COL9A1: variants seen among roughly 807,000 people sequenced by gnomAD.
COL9A1 encodes the protein collagen alpha-1(IX) chain.
A neutral mutation model predicts 142.6 loss-of-function variants in COL9A1; 104 were observed. That is an observed-to-expected ratio of 0.73 (90% CI 0.62 to 0.86). The LOEUF (loss-of-function observed/expected upper bound fraction) is 0.86, where lower values mean the gene tolerates loss of function less well. Among genes scored for constraint, COL9A1 ranks in the 40% least tolerant of loss-of-function variants. COL9A1 has a pLI of 0.00. For synonymous variants in COL9A1, 466 were observed against 396.0 expected (o/e 1.18, Z -2.10); for missense variants, 1,210 against 1,176.6 (o/e 1.03, Z -0.42).
chr6:70,274,363 AC>A (rs1772611333), intron 11 of COL9A1, among the ~76,000 whole-genome samples: 1 of 149,798 alleles, frequency 6.7e-6, no homozygotes, highest in African/African-American at 2.5e-5. Flanking sequence ...CCCTCCTCCC[AC>A]CCCCTATTTT....
Position 70,281,400 on chromosome 6 carries a change from T to TC in COL9A1, c.865dup (p.Asp289GlyfsTer6). 6.2e-7 allele frequency: 1 copy of TC among 1,612,974 alleles called. No homozygotes were observed. Among genetic ancestry groups the TC allele is most frequent in the Non-Finnish European group, 8.5e-7 (1 of 1,179,664 alleles). On this transcript the variant is annotated frameshift_variant, in exon 8 of 38. Transcript: ENST00000357250. LOFTEE classifies it high-confidence loss of function. ...GAGATAGAAACTTACGTCGATGCCATCGATGCCTGGAACTCCAGGGGGGCC... is the reference window on the plus strand; with the variant it reads ...GAGATAGAAACTTACGTCGATGCCATCCGATGCCTGGAACTCCAGGGGGGCC...
In COL9A1 at chr6:70,292,122, G is replaced by A. The variant is rs1773684743; in HGVS notation, c.696+2045C>T. On this transcript the variant is annotated intron_variant, in intron 5 of 37. Transcript: ENST00000357250. ...AGAAATACATTTTGGTGAGAAGTTT[G>A]AATTTCACATTGTCACTTCCAGTTG... is the stretch of plus-strand genomic sequence containing the variant. Among the ~76,000 whole-genome samples the A allele has an allele frequency of 2.0e-5, 3 of 152,178 alleles. No individual in the cohort carries two copies. In the South Asian group the frequency reaches 6.2e-4, roughly 31 times the overall value.
intron 33 of COL9A1, among the ~76,000 whole-genome samples, chr6:70,236,104 C>T (rs1435294099): frequency 6.1e-5 from 6 of 98,288 alleles, no homozygotes; most frequent in Non-Finnish European, 1.1e-4. Context: ...CAGAGCGAGA[C>T]TCCATCTCAA....
rs186792965 is a variant in COL9A1, at chr6:70,260,767, A to G, written c.1396-57T>C. The G allele has an allele frequency of 8.4e-4, 1,312 of 1,558,438 alleles. 8 individuals carry two copies. The African/African-American group carries it at 0.016, about 19-fold the overall frequency. ...TTAGTTGAAGCAAAGATTTTTAAAA[A>G]TCTCATCACAAAAGCTGATCTAGAC... is the stretch of plus-strand genomic sequence containing the variant. On this transcript the variant is annotated intron_variant, in intron 19 of 37. Coordinates refer to ENST00000357250, the MANE Select transcript of COL9A1 (RefSeq NM_001851.6).
chr6:70,227,959 T>G (rs2127554351), intron 36 of COL9A1, among the ~76,000 whole-genome samples: 1 of 152,178 alleles, frequency 6.6e-6, no homozygotes, highest in South Asian at 2.1e-4. Context: ...TAGAATTGCT[T>G]GTAAGGATAT....
At chr6:70,270,909 T>C (rs1772356849) in intron 14 of COL9A1, among the ~76,000 whole-genome samples, 1 of 152,218 alleles carries the variant, frequency 6.6e-6, no homozygotes, top group Non-Finnish European at 1.5e-5. Flanking sequence ...AGTAAACCGT[T>C]CAGATGAAAA....
chr6:70,295,749 C>T (rs1470744576), intron 4 of COL9A1, among the ~76,000 whole-genome samples: 2 of 152,168 alleles, frequency 1.3e-5, no homozygotes, highest in African/African-American at 2.4e-5. Flanking sequence ...TTGCTGAAGC[C>T]AAGCTGCTAA....
intron 20 of COL9A1, among the ~76,000 whole-genome samples, chr6:70,257,908 T>C (rs1017752959): frequency 5.3e-5 from 8 of 152,180 alleles, no homozygotes; most frequent in Admixed American, 3.9e-4. Context: ...TTCAGAAGAA[T>C]GAATTACTGG....
rs1333319684 is a variant in COL9A1, at chr6:70,271,513, A to G, written c.1143+142T>C. 6 of 735,070 alleles carry G rather than the reference A, an allele frequency of 8.2e-6. No individual in the cohort carries two copies. In the South Asian group the frequency reaches 9.3e-5, roughly 11 times the overall value. 45.5% of individuals were successfully genotyped at this position (735,070 alleles called of 1,614,324 possible). Reference sequence around the variant, plus strand: ...AAAATTATTATTATTCCTGGTTCACATCAATATTATAAACTGGAATGAAAT... The same window carrying G: ...AAAATTATTATTATTCCTGGTTCACGTCAATATTATAAACTGGAATGAAAT... On this transcript the variant is annotated intron_variant, in intron 14 of 37. Coordinates refer to ENST00000357250, the MANE Select transcript of COL9A1 (RefSeq NM_001851.6).
In COL9A1 at chr6:70,300,500, C is replaced by T. The variant is rs1253804989; in HGVS notation, c.89-114G>A. 22 of 402,292 alleles carry T rather than the reference C, an allele frequency of 5.5e-5. No homozygotes were observed. In the Middle Eastern group the frequency reaches 2.3e-3, roughly 42 times the overall value. The allele number at this position is 402,292 out of a possible 1,614,324, so 24.9% of individuals were successfully genotyped here. A position where few individuals can be genotyped will look rare whatever the true frequency, so the allele number is the denominator to read the frequency against. ...AATAAAATTTAGAACCAGAAAATAG[C>T]AATTGACCACAAAAAAAAGATTTCA... On this transcript the variant is annotated intron_variant, in intron 2 of 37. Transcript: ENST00000357250.
intron 18 of COL9A1, among the ~76,000 whole-genome samples, chr6:70,263,614 AAGAGAGATAG>A (rs758340714): frequency 6.6e-6 from 1 of 151,946 alleles, no homozygotes; most frequent in Non-Finnish European, 1.5e-5. Context: ...AAGAAAAATA[AAGAGAGATAG>A]AGAGAGTAAA....
chr6:70,242,178 CTCTT>C, intron 29 of COL9A1, 143 bp from the exon 30 acceptor site: 3 of 742,428 alleles, frequency 4.0e-6, no homozygotes, highest in South Asian at 3.0e-5. Flanking sequence ...GGGTTTGCCT[CTCTT>C]TCATATTCTC....
In COL9A1 at chr6:70,280,873, C is replaced by T. The variant is rs1335396298; in HGVS notation, c.914G>A (p.Gly305Asp). Reference protein sequence around the residue: ...RGPKGPPGPPGPAGEPGKPGA... With the variant: ...RGPKGPPGPPDPAGEPGKPGA... ...TGGCTTTCCCGGTTCACCTGCAGGA[C>T]CCTGAGCAGGGGCAGAAGGGTGCGG... Residue 305 changes from glycine (G) to aspartate (D), a missense_variant and splice_region_variant, in exon 10 of 38, where the codon GGT (glycine) becomes GAT (aspartate). Physicochemically the swap from Gly to Asp is moderately conservative, Grantham distance 94. Coordinates refer to ENST00000357250, the MANE Select transcript of COL9A1 (RefSeq NM_001851.6). The T allele has an allele frequency of 6.2e-7, 1 of 1,613,560 alleles. No homozygotes were observed. Among genetic ancestry groups the T allele is most frequent in the Admixed American group, 1.7e-5 (1 of 59,986 alleles).
intron 10 of COL9A1, 73 bp downstream of exon 10, chr6:70,280,739 C>G (rs1360064175): frequency 4.6e-6 from 7 of 1,517,472 alleles, no homozygotes; most frequent in African/African-American, 2.8e-5. Flanking sequence ...CCCTCCCCCC[C>G]CACAAAACAC....
Position 70,294,384 on chromosome 6 carries a change from A to T in COL9A1, c.479T>A (p.Leu160Gln), listed in dbSNP as rs567381211. ...GGCTGCTGTTTGGAGACTTCCATCC[A>T]GTCCCTTGTATGAAAATACAACAGA... ...TQSVVFSYKGLDGSLQTAAFS... is the reference protein window; with the variant it reads ...TQSVVFSYKGQDGSLQTAAFS... The change falls in exon 5 of 38, where the codon CTG becomes CAG. Residue 160 changes from leucine to glutamine, a missense_variant. Leu to Gln is a moderately radical substitution (Grantham distance 113). Coordinates refer to ENST00000357250, the MANE Select transcript of COL9A1 (RefSeq NM_001851.6). 1 of 1,614,098 alleles carries T rather than the reference A, an allele frequency of 6.2e-7. No individual in the cohort carries two copies. The highest frequency in any genetic ancestry group is 1.1e-5 in the South Asian group (1 of 91,086).
chr6:70,245,064 C>T (rs1383133856), intron 28 of COL9A1, among the ~76,000 whole-genome samples: 1 of 152,214 alleles, frequency 6.6e-6, no homozygotes, highest in African/African-American at 2.4e-5. Flanking sequence ...TCCTATAAAT[C>T]CTTGGCCATT....
intron 36 of COL9A1, among the ~76,000 whole-genome samples, chr6:70,227,788 A>G (rs1373337787): frequency 2.6e-5 from 4 of 152,204 alleles, no homozygotes; most frequent in Non-Finnish European, 4.4e-5. Flanking sequence ...TCCACAGAAT[A>G]GAACACTATG....
chr6:70,275,625 CA>C (rs1772709075), intron 10 of COL9A1, among the ~76,000 whole-genome samples: 1 of 151,980 alleles, frequency 6.6e-6, no homozygotes, highest in Non-Finnish European at 1.5e-5. Context: ...CACATATATA[CA>C]AGAATTTCCA....
chr6:70,288,193 G>A (rs1773527208), intron 5 of COL9A1, among the ~76,000 whole-genome samples: 1 of 152,108 alleles, frequency 6.6e-6, no homozygotes, highest in Non-Finnish European at 1.5e-5. Flanking sequence ...TAAATGGCAC[G>A]TCTATACTTC....
Sources: allele counts gnomAD v4.1 joint callset (sites outside exome capture counted in the v4.1 genomes callset), GRCh38; gene constraint gnomAD v4.1.1; transcripts MANE v1.5; gene names NCBI Gene and HGNC (gene_info 2026-07-23, HGNC 2026-07-21).